Variants in XIST observed in about 807,000 individuals in gnomAD.
XIST encodes the protein X inactive specific transcript (non-protein coding).
At chrX:73,850,266 ACTAT>A (rs1343838454) in exon 1 of XIST, 4 of 549,233 alleles carry the variant, frequency 7.3e-6, no homozygotes, top group East Asian at 3.3e-5. Flanking sequence ...TTTGACTTTG[ACTAT>A]CTACTGCCAA....
chrX:73,841,013 A>G (rs1432024397), intron 1 of XIST, among the ~76,000 whole-genome samples: 3 of 111,899 alleles, frequency 2.7e-5, no homozygotes, highest in Non-Finnish European at 3.8e-5. Flanking sequence ...ACTACTTATG[A>G]TTCACACAAA....
At chrX:73,847,695 A>T (rs373606873) in exon 1 of XIST, 1 of 540,402 alleles carries the variant, frequency 1.9e-6, no homozygotes, top group Non-Finnish European at 3.3e-6. Flanking sequence ...ATTGAAATCA[A>T]TTAGGCAATT....
At chrX:73,823,621 T>C (rs368908990) in exon 6 of XIST, 37 of 556,761 alleles carry the variant, frequency 6.6e-5, no homozygotes, top group African/African-American at 4.3e-4. Flanking sequence ...TAATTCACTT[T>C]TATCATCAGC....
chrX:73,851,200 A>G, exon 1 of XIST: 1 of 559,670 alleles, frequency 1.8e-6, no homozygotes, highest in Non-Finnish European at 3.2e-6. Flanking sequence ...ACTAGGCGGC[A>G]AAACCCGCCA....
exon 1 of XIST, chrX:73,849,414 C>A (rs1013378724): frequency 1.8e-6 from 1 of 557,066 alleles, no homozygotes; most frequent in African/African-American, 2.2e-5. Context: ...TTACTCAATG[C>A]AAAGAGTTTT....
chrX:73,852,547 T>C (rs1200454378), exon 1 of XIST: 2 of 515,279 alleles, frequency 3.9e-6, no homozygotes, highest in South Asian at 2.7e-5. Flanking sequence ...AAGAAGACAC[T>C]AGGAGAAAGT....
exon 6 of XIST, chrX:73,822,175 C>T: frequency 1.8e-6 from 1 of 558,837 alleles, no homozygotes. Context: ...ATCATCCCTC[C>T]TGCTGCCCAG....
chrX:73,822,531 A>G (rs1390470886), exon 6 of XIST: 3 of 513,845 alleles, frequency 5.8e-6, no homozygotes, highest in Non-Finnish European at 1.0e-5. Flanking sequence ...AAAAAAATAA[A>G]CAGTAACCTT....
chrX:73,833,420 G>A, intron 2 of XIST: 1 of 510,516 alleles, frequency 2.0e-6, no homozygotes, highest in Non-Finnish European at 3.5e-6. Flanking sequence ...AGCACCGGTA[G>A]GATACCAAAA....
In XIST at chrX:73,833,044, A is replaced by G. The variant is rs745840655; in HGVS notation, n.11543+194T>C. Among the ~76,000 whole-genome samples, 4 of 109,705 alleles carry G rather than the reference A, an allele frequency of 3.6e-5. No individual in the cohort carries two copies. In the East Asian group the frequency reaches 1.2e-3, roughly 32 times the overall value. ...CTACAGGCACGTACCACCATGCCCA[A>G]CTAATTTTATTTTATTGTAGAGACA... is the stretch of plus-strand genomic sequence containing the variant. On this transcript the variant is annotated intron_variant and non_coding_transcript_variant, in intron 3 of 5. Coordinates refer to ENST00000429829, the Ensembl canonical transcript of XIST.
chrX:73,836,353 A>G (rs764374556), intron 2 of XIST, among the ~76,000 whole-genome samples: 1 of 111,649 alleles, frequency 9.0e-6, no homozygotes, highest in Non-Finnish European at 1.9e-5. Context: ...AGAATACCCT[A>G]CAGCTAAACT....
rs765574273 is a variant in XIST, at chrX:73,826,737, C to A, written n.13164G>T. On this transcript the variant is annotated non_coding_transcript_exon_variant, in exon 6 of 6. Transcript: ENST00000429829. ...GATTCCGGCCGTTAGTCTTGAGATA[C>A]CTTTTTCGCTTGGGTCCTCTATCCA... 11 of 556,853 alleles carry A rather than the reference C, an allele frequency of 2.0e-5. No homozygotes were observed. The South Asian group carries it at 2.2e-4, about 11-fold the overall frequency. The allele number at this position is 556,853 out of a possible 1,213,427, so 45.9% of individuals were successfully genotyped here.
Position 73,850,202 on chromosome X carries a change from G to A in XIST, n.2522C>T, listed in dbSNP as rs763876602. 2.2e-5 allele frequency: 12 copies of A among 549,539 alleles called. No individual in the cohort carries two copies. The African/African-American group carries it at 2.5e-4, about 11-fold the overall frequency. The allele number at this position is 549,539 out of a possible 1,213,427, so 45.3% of individuals were successfully genotyped here. On this transcript the variant is annotated non_coding_transcript_exon_variant, in exon 1 of 6. Transcript: ENST00000429829. ...GCTACAGACTCTTCAAAGGAAAATA[G>A]TTAAGTCAATTTCAAAGAAAATGAC... is the stretch of plus-strand genomic sequence containing the variant.
At chrX:73,823,736 T>G (rs1922183885) in exon 6 of XIST, 1 of 558,765 alleles carries the variant, frequency 1.8e-6, no homozygotes, top group Non-Finnish European at 3.2e-6. Flanking sequence ...GGACTTTATC[T>G]CTCTACTCAG....
intron 4 of XIST, among the ~76,000 whole-genome samples, chrX:73,830,069 G>A (rs752145282): frequency 9.1e-6 from 1 of 109,858 alleles, no homozygotes; most frequent in East Asian, 2.9e-4. Context: ...CACTCTGGAA[G>A]GCAAATATTC....
chrX:73,833,226 T>C lies in XIST; in HGVS notation n.11543+12A>G, dbSNP rs776391588. 44 of 553,139 alleles carry C rather than the reference T, an allele frequency of 8.0e-5. 1 individual carries two copies. The South Asian group carries it at 9.6e-4, about 12-fold the overall frequency. The allele number at this position is 553,139 out of a possible 1,213,427, so 45.6% of individuals were successfully genotyped here. A position where few individuals can be genotyped will look rare whatever the true frequency, so the allele number is the denominator to read the frequency against. The stretch of plus-strand genomic sequence containing the variant: ...AGACAGAAGCACTACAACAATAAAT[T>C]CCCCAAACTACCTTTTTCTCCAGAT... On this transcript the variant is annotated intron_variant and non_coding_transcript_variant, in intron 3 of 5. Transcript: ENST00000429829.
intron 2 of XIST, among the ~76,000 whole-genome samples, chrX:73,834,168 T>C: frequency 8.9e-6 from 1 of 112,094 alleles, no homozygotes; most frequent in South Asian, 3.7e-4. Context: ...GTTTATGCAT[T>C]TACTCTACTG....
At chrX:73,837,578 T>C in intron 1 of XIST, 1 of 484,879 alleles carries the variant, frequency 2.1e-6, no homozygotes, top group South Asian at 2.9e-5. Flanking sequence ...AATAATAATG[T>C]ATCAATATTG....
intron 3 of XIST, among the ~76,000 whole-genome samples, chrX:73,831,727 G>A (rs191163601): frequency 6.3e-5 from 7 of 111,628 alleles, no homozygotes; most frequent in South Asian, 3.8e-4. Flanking sequence ...AGAAAAGGTC[G>A]GATGTGGTCT....
Sources: allele counts gnomAD v4.1 joint callset (sites outside exome capture counted in the v4.1 genomes callset), GRCh38; gene constraint gnomAD v4.1.1; transcripts MANE v1.5; gene names NCBI Gene and HGNC (gene_info 2026-07-23, HGNC 2026-07-21).